Variants in DEK observed in about 807,000 individuals in gnomAD.
The protein encoded by DEK is protein DEK.
In DEK, 28 loss-of-function variants were observed where a neutral mutation model predicts 46.8. The ratio of observed to expected loss-of-function variants is 0.60; its 90% CI spans 0.44 to 0.82. The LOEUF is 0.82. Among genes scored for constraint, DEK ranks in the 40% least tolerant of loss-of-function variants. The pLI, the probability that DEK is intolerant of heterozygous loss-of-function variation, is 0.00. For missense variants in DEK, 416 were observed against 430.6 expected, an observed-to-expected ratio of 0.97 and a Z score of 0.30; for synonymous variants, 160 against 144.5, an observed-to-expected ratio of 1.11 and a Z score of -0.77.
rs952205233 is a variant in DEK at position 18,224,559 on chromosome 6, C to G, written c.*1160G>C. 1 of 201,430 alleles carries G rather than the reference C, an allele frequency of 5.0e-6. No homozygotes were observed. The highest frequency in any genetic ancestry group is 2.3e-5 in the African/African-American group (1 of 43,436). The allele number at this position is 201,430 out of a possible 1,614,324, so 12.5% of individuals were successfully genotyped here. ...TCATCTAGAATCAACACTGATTAAC[C>G]AAACTCTGAAAGCCAAGAGCCCCAA... is the stretch of plus-strand genomic sequence containing the variant. On this transcript the variant is annotated 3_prime_UTR_variant, in exon 11 of 11. Transcript: ENST00000652689.
At chr6:18,258,441 A>C (rs1791698421) in intron 2 of DEK, 36 bp from the exon 3 acceptor site, 2 of 1,510,356 alleles carry the variant, frequency 1.3e-6, no homozygotes, top group Non-Finnish European at 1.8e-6. Flanking sequence ...ATTAACAAAA[A>C]GCTTAAACAT....
intron 6 of DEK, among the ~76,000 whole-genome samples, chr6:18,251,834 TC>T (rs1791386019): frequency 6.6e-6 from 1 of 151,970 alleles, no homozygotes; most frequent in Non-Finnish European, 1.5e-5. Context: ...AATCTGTATA[TC>T]GAATTATTAG....
At chr6:18,241,145 C>T (rs1790875951) in intron 7 of DEK, among the ~76,000 whole-genome samples, 1 of 152,154 alleles carries the variant, frequency 6.6e-6, no homozygotes, top group Admixed American at 6.5e-5. Flanking sequence ...TGCAGGTTTT[C>T]ATCACTTCGG....
At chr6:18,229,492 C>T (rs13205696) in intron 9 of DEK, among the ~76,000 whole-genome samples, 40,609 of 151,766 alleles carry the variant, frequency 0.27, 5,857 homozygotes, top group Admixed American at 0.36. Flanking sequence ...AAAGATGAGA[C>T]GAATGGCTAA....
At position 18,225,529 on chromosome 6, in the gene DEK, G is replaced by A. The variant is rs1790074071; in HGVS notation, c.*190C>T. 2.0e-6 allele frequency: 1 copy of A among 508,736 alleles called. No homozygotes were observed. Among genetic ancestry groups the A allele is most frequent in the Non-Finnish European group, 3.4e-6 (1 of 291,240 alleles). 31.5% of individuals were successfully genotyped at this position (508,736 alleles called of 1,614,324 possible). A position where few individuals can be genotyped will look rare whatever the true frequency, so the allele number is the denominator to read the frequency against. On this transcript the variant is annotated 3_prime_UTR_variant, in exon 11 of 11. Transcript: ENST00000652689. Reference sequence around the variant, plus strand: ...CCATGCAAGATTTTAAACTAAAAATGGCATAGAAATGCAATTTAAAACAGC... The same window carrying A: ...CCATGCAAGATTTTAAACTAAAAATAGCATAGAAATGCAATTTAAAACAGC...
At chr6:18,232,680 AACT>A (rs1790462267) in intron 9 of DEK, among the ~76,000 whole-genome samples, 1 of 152,208 alleles carries the variant, frequency 6.6e-6, no homozygotes. Flanking sequence ...CTTCAAGGAG[AACT>A]ACAAGCCACT....
intron 7 of DEK, among the ~76,000 whole-genome samples, chr6:18,243,698 G>C (rs998037630): frequency 2.6e-5 from 4 of 152,184 alleles, no homozygotes; most frequent in African/African-American, 9.7e-5. Context: ...ATAATGCTAA[G>C]TATCAAATGG....
At chr6:18,247,560 G>A (rs1410357594) in intron 7 of DEK, among the ~76,000 whole-genome samples, 1 of 152,054 alleles carries the variant, frequency 6.6e-6, no homozygotes, top group Non-Finnish European at 1.5e-5. Context: ...TTATTATCCT[G>A]GAACCAATAT....
intron 9 of DEK, among the ~76,000 whole-genome samples, chr6:18,234,383 C>T (rs909418592): frequency 1.3e-5 from 2 of 152,042 alleles, no homozygotes; most frequent in Non-Finnish European, 2.9e-5. Context: ...CTTGTTCTTT[C>T]CCTGCAAAAC....
At chr6:18,242,610 C>A (rs1790937673) in intron 7 of DEK, among the ~76,000 whole-genome samples, 1 of 152,102 alleles carries the variant, frequency 6.6e-6, no homozygotes, top group Non-Finnish European at 1.5e-5. Flanking sequence ...GTAGATGCTC[C>A]CAGAACCTTG....
At chr6:18,251,722 T>C (rs934638713) in intron 6 of DEK, among the ~76,000 whole-genome samples, 3 of 152,204 alleles carry the variant, frequency 2.0e-5, no homozygotes, top group African/African-American at 7.2e-5. Flanking sequence ...CTGTCCAAGC[T>C]CTTACTACTT....
chr6:18,231,779 A>G (rs577893048), intron 9 of DEK, among the ~76,000 whole-genome samples: 1 of 152,386 alleles, frequency 6.6e-6, no homozygotes, highest in African/African-American at 2.4e-5. Context: ...GAATTCTACC[A>G]GACGTACAAG....
Position 18,225,706 on chromosome 6 carries a change from T to C in DEK, c.*13A>G. 1 of 1,613,168 alleles carries C rather than the reference T, an allele frequency of 6.2e-7. No homozygotes were observed. Among genetic ancestry groups the C allele is most frequent in the Middle Eastern group, 1.7e-4 (1 of 6,056 alleles). On this transcript the variant is annotated 3_prime_UTR_variant, in exon 11 of 11. Transcript: ENST00000652689. Reference sequence around the variant, plus strand: ...AAATCTATGGGAACGAGTCATCTTCTCTGTCCTCTATCTCAAGAAATTAGC... The same window carrying C: ...AAATCTATGGGAACGAGTCATCTTCCCTGTCCTCTATCTCAAGAAATTAGC...
At chr6:18,258,255 A>G in intron 3 of DEK, 49 bp downstream of exon 3, 1 of 1,497,648 alleles carries the variant, frequency 6.7e-7, no homozygotes, top group Non-Finnish European at 9.2e-7. Flanking sequence ...CATTTTCACA[A>G]ATTTAGGCAC....
chr6:18,237,340 T>TAAGC, intron 8 of DEK, 41 bp downstream of exon 8: 1 of 1,568,886 alleles, frequency 6.4e-7, no homozygotes, highest in East Asian at 2.2e-5. Context: ...TAATATATGC[T>TAAGC]ATATCTTTAA....
intron 10 of DEK, 84 bp downstream of exon 10, chr6:18,226,090 A>G (rs935403033): frequency 3.7e-6 from 4 of 1,077,610 alleles, no homozygotes; most frequent in African/African-American, 3.3e-5. Context: ...AGTGACATGA[A>G]TATTTTGAAA....
intron 1 of DEK, 175 bp from the exon 2 acceptor site, chr6:18,264,171 C>G (rs1792004659): frequency 4.1e-6 from 2 of 488,426 alleles, no homozygotes; most frequent in Non-Finnish European, 6.7e-6. Flanking sequence ...CCCGCTCCGC[C>G]GCCGCCGTCC....
intron 7 of DEK, 93 bp downstream of exon 7, chr6:18,249,558 A>T: frequency 2.1e-6 from 3 of 1,407,398 alleles, no homozygotes; most frequent in Non-Finnish European, 2.8e-6. Context: ...AAAACAACCA[A>T]TAAGGAAGTG....
chr6:18,225,930 A>G, intron 10 of DEK, 200 bp from the exon 11 acceptor site: 1 of 709,278 alleles, frequency 1.4e-6, no homozygotes, highest in Non-Finnish European at 2.3e-6. Context: ...TGAGATGCCC[A>G]GCTACCCAGG....
Sources: gnomAD v4.1 joint callset for allele counts (sites outside exome capture counted in the v4.1 genomes callset) on GRCh38, gnomAD v4.1.1 for gene constraint, MANE v1.5 for transcripts, NCBI Gene and HGNC (gene_info 2026-07-23, HGNC 2026-07-21) for gene names.